Variants in FAM81B observed in about 807,000 individuals in gnomAD.
FAM81B encodes protein FAM81B.
In FAM81B, 60 loss-of-function variants were observed where a neutral mutation model predicts 58.7. The observed-to-expected ratio is 1.02, with a 90% CI of 0.83 to 1.27. FAM81B has a LOEUF of 1.27. FAM81B is among the 50% of genes most tolerant of loss of function. FAM81B has a pLI of 0.00. For synonymous variants in FAM81B, 189 were observed against 179.6 expected, an observed-to-expected ratio of 1.05 and a Z score of -0.42; for missense variants, 491 against 522.0, an observed-to-expected ratio of 0.94 and a Z score of 0.58.
intron 4 of FAM81B, among the ~76,000 whole-genome samples, chr5:95,417,814 C>T (rs1461929652): frequency 6.6e-6 from 1 of 152,146 alleles, no homozygotes; most frequent in East Asian, 1.9e-4. Context: ...CTTTCACATA[C>T]GGCTCCAGGC....
intron 5 of FAM81B, 146 bp from the exon 6 acceptor site, chr5:95,428,457 G>C: frequency 2.1e-6 from 2 of 955,922 alleles, no homozygotes; most frequent in Non-Finnish European, 1.5e-6. Context: ...TGAAGAAAGA[G>C]ATTCCTGAAT....
chr5:95,448,940 T>G, intron 9 of FAM81B: 1 of 260,228 alleles, frequency 3.8e-6, no homozygotes, highest in Non-Finnish European at 7.6e-6. Context: ...TAATGACTGC[T>G]TTTATTTTGA....
chr5:95,437,126 C>A (rs1370203367), intron 7 of FAM81B, among the ~76,000 whole-genome samples: 1 of 152,024 alleles, frequency 6.6e-6, no homozygotes, highest in Non-Finnish European at 1.5e-5. Flanking sequence ...TTTGACTGCA[C>A]AATATCTCAA....
chr5:95,398,389 T>C (rs1582781319), intron 3 of FAM81B, among the ~76,000 whole-genome samples: 1 of 151,780 alleles, frequency 6.6e-6, no homozygotes, highest in Non-Finnish European at 1.5e-5. Flanking sequence ...ACTGCACTCC[T>C]GCCTGGGTCA....
chr5:95,404,957 T>G (rs1031447023), intron 3 of FAM81B, among the ~76,000 whole-genome samples: 1 of 152,082 alleles, frequency 6.6e-6, no homozygotes. Flanking sequence ...AAAGGAGAGA[T>G]AAGATTTTAT....
chr5:95,443,263 G>A (rs899098385), intron 7 of FAM81B, among the ~76,000 whole-genome samples: 1 of 151,664 alleles, frequency 6.6e-6, no homozygotes, highest in Admixed American at 6.6e-5. Context: ...TCTTCACTCA[G>A]CTTTCCTTCA....
intron 8 of FAM81B, among the ~76,000 whole-genome samples, chr5:95,447,682 G>T (rs772049897): frequency 6.6e-6 from 1 of 152,210 alleles, no homozygotes; most frequent in Non-Finnish European, 1.5e-5. Flanking sequence ...TACCTGCCAT[G>T]CCCAGTTCCT....
At chr5:95,417,865 GTTACAAATGTTT>G (rs1762577785) in intron 4 of FAM81B, among the ~76,000 whole-genome samples, 1 of 152,164 alleles carries the variant, frequency 6.6e-6, no homozygotes, top group African/African-American at 2.4e-5. Flanking sequence ...AATAGTATAT[GTTACAAATGTTT>G]TTTCAGTTTG....
chr5:95,414,257 T>C (rs1159227539), intron 4 of FAM81B, 67 bp downstream of exon 4: 1 of 1,504,968 alleles, frequency 6.6e-7, no homozygotes. Context: ...ATAAAGATTA[T>C]CAACCATCAG....
At chr5:95,396,930 G>A (rs1039412994) in intron 3 of FAM81B, 5 of 152,142 alleles carry the variant, frequency 3.3e-5, no homozygotes, top group African/African-American at 7.2e-5. Context: ...AAACAAAGAG[G>A]TTGGACTAGA....
In FAM81B at chr5:95,441,135, G is replaced by A. The variant is rs557258702; in HGVS notation, c.893+4229G>A. On this transcript the variant is annotated intron_variant, in intron 7 of 9. Coordinates refer to ENST00000283357, the MANE Select transcript of FAM81B (RefSeq NM_152548.3). ...ACTTGCCAAGATACAATTAAAACCT[G>A]TCAAGACAGGTTGTCAAAATGATAC... Among the ~76,000 whole-genome samples the A allele has an allele frequency of 1.8e-4, 27 of 152,212 alleles. No homozygotes were observed. In the South Asian group the frequency reaches 5.4e-3, roughly 30 times the overall value.
chr5:95,448,608 A>G lies in FAM81B; in HGVS notation c.1225+144A>G, dbSNP rs559872619. On this transcript the variant is annotated intron_variant, in intron 9 of 9. Coordinates refer to ENST00000283357, the MANE Select transcript of FAM81B (RefSeq NM_152548.3). ...TTTATTCCACTTTTCTAAATATCCTATAGAATATGAGTATTATACTGGAAG... is the reference window on the plus strand; with the variant it reads ...TTTATTCCACTTTTCTAAATATCCTGTAGAATATGAGTATTATACTGGAAG... 28 of 770,952 alleles carry G rather than the reference A, an allele frequency of 3.6e-5. 1 individual carries two copies. The South Asian group carries it at 4.7e-4, about 13-fold the overall frequency. 47.8% of individuals were successfully genotyped at this position (770,952 alleles called of 1,614,324 possible).
rs751751535 is a variant in FAM81B, at chr5:95,428,690, C to T, written c.744C>T (p.Phe248=). The T allele has an allele frequency of 6.3e-5, 102 of 1,613,964 alleles. No homozygotes were observed. Among genetic ancestry groups the T allele is most frequent in the South Asian group, 3.7e-4 (34 of 91,070 alleles). The change falls in exon 6 of 10, where the codon TTC becomes TTT. Residue 248 remains phenylalanine (F), a synonymous_variant. Coordinates refer to ENST00000283357, the MANE Select transcript of FAM81B (RefSeq NM_152548.3). ...HRQIEKAIQE[F]VPALETLSKN... is the part of the protein sequence containing the mutation. ...AAATTGAGAAAGCCATTCAAGAATT[C>T]GTGCCCGCCCTGGAAACTCTTTCCA...
Position 95,391,387 on chromosome 5 carries a change from A to G in FAM81B, c.-3A>G, listed in dbSNP as rs1333069576. On this transcript the variant is annotated 5_prime_UTR_variant, in exon 1 of 10. Transcript: ENST00000283357. ...CCCCAGAAACAGGAAGACCTTAGTT[A>G]GGATGCAATTACAATTCCTTGGTAC... The G allele has an allele frequency of 7.4e-6, 12 of 1,612,406 alleles. No homozygotes were observed. In the East Asian group the frequency reaches 2.7e-4, roughly 36 times the overall value.
chr5:95,395,183 T>A (rs1203538417), intron 2 of FAM81B, among the ~76,000 whole-genome samples: 1 of 152,140 alleles, frequency 6.6e-6, no homozygotes, highest in African/African-American at 2.4e-5. Flanking sequence ...CTCACGCCTG[T>A]AATCCCAGCA....
chr5:95,406,320 CA>C (rs1280782124), intron 3 of FAM81B: 5 of 154,340 alleles, frequency 3.2e-5, no homozygotes, highest in Non-Finnish European at 5.9e-5. Context: ...TGAGTTGAGC[CA>C]ACTAACTTCA....
At chr5:95,437,443 C>CA (rs1444937860) in intron 7 of FAM81B, among the ~76,000 whole-genome samples, 1 of 152,172 alleles carries the variant, frequency 6.6e-6, no homozygotes, top group East Asian at 1.9e-4. Context: ...CTCCTGGGTT[C>CA]ACGCCATTCT....
At chr5:95,445,288 C>T (rs1745513481) in intron 7 of FAM81B, among the ~76,000 whole-genome samples, 1 of 152,150 alleles carries the variant, frequency 6.6e-6, no homozygotes, top group Admixed American at 6.5e-5. Flanking sequence ...TGAATATTTT[C>T]AATAACAAAC....
intron 7 of FAM81B, chr5:95,440,457 G>A (rs988955548): frequency 3.1e-6 from 2 of 637,678 alleles, no homozygotes; most frequent in African/African-American, 3.6e-5. Context: ...GCACCTGACA[G>A]GATGCAGTTG....
Sources: gnomAD v4.1 joint callset for allele counts (sites outside exome capture counted in the v4.1 genomes callset) on GRCh38, gnomAD v4.1.1 for gene constraint, MANE v1.5 for transcripts, NCBI Gene and HGNC (gene_info 2026-07-23, HGNC 2026-07-21) for gene names.